The following PPFIA2 variants were observed in gnomAD, a reference collection of about 807,000 sequenced individuals.
The protein encoded by PPFIA2 is PPFI scaffold protein A2.
Under a neutral mutation model 175.5 loss-of-function variants are expected in PPFIA2, and 46 were observed. The ratio of observed to expected loss-of-function variants is 0.26; its 90% CI spans 0.21 to 0.34. PPFIA2 has a LOEUF of 0.34. PPFIA2 is among the 10% of genes least tolerant of loss of function. The pLI, the probability that PPFIA2 is intolerant of heterozygous loss-of-function variation, is 1.00. For missense variants in PPFIA2, 1,179 were observed against 1,506.1 expected, an observed-to-expected ratio of 0.78 and a Z score of 3.60; for synonymous variants, 568 against 511.4, an observed-to-expected ratio of 1.11 and a Z score of -1.49.
intron 3 of PPFIA2, among the ~76,000 whole-genome samples, chr12:81,682,950 C>A (rs2073895037): frequency 1.3e-5 from 2 of 151,990 alleles, no homozygotes; most frequent in South Asian, 4.1e-4. Context: ...TTATTTTCAC[C>A]CGCTACATGA....
At chr12:81,622,039 A>G (rs534311188) in intron 4 of PPFIA2, among the ~76,000 whole-genome samples, 105 of 152,324 alleles carry the variant, frequency 6.9e-4, no homozygotes, top group Middle Eastern at 3.4e-3. Flanking sequence ...AATCATATTA[A>G]AAGGAGGGGC....
At chr12:81,386,803 C>T (rs2039072253) in intron 8 of PPFIA2, among the ~76,000 whole-genome samples, 1 of 152,052 alleles carries the variant, frequency 6.6e-6, no homozygotes, top group South Asian at 2.1e-4. Flanking sequence ...GTCATTTCCG[C>T]TCATGTTTTC....
intron 19 of PPFIA2, among the ~76,000 whole-genome samples, chr12:81,342,972 T>C (rs1162720722): frequency 6.7e-6 from 1 of 150,334 alleles, no homozygotes; most frequent in African/African-American, 2.5e-5. Context: ...ATAATAATAA[T>C]AATAATAAAT....
At chr12:81,302,711 A>G (rs756078359) in intron 22 of PPFIA2, 3 of 452,980 alleles carry the variant, frequency 6.6e-6, no homozygotes, top group South Asian at 4.7e-5. Context: ...GAGAGAAGTA[A>G]CAATTATTTA....
chr12:81,712,903 G>C (rs1036719305), intron 3 of PPFIA2, among the ~76,000 whole-genome samples: 2 of 151,040 alleles, frequency 1.3e-5, no homozygotes, highest in Non-Finnish European at 2.9e-5. Flanking sequence ...AGAAGTGATG[G>C]TGTGACTAGA....
chr12:81,518,888 C>T (rs946898081), intron 4 of PPFIA2, among the ~76,000 whole-genome samples: 34 of 152,006 alleles, frequency 2.2e-4, no homozygotes, highest in African/African-American at 7.5e-4. Context: ...GAATATTGTC[C>T]GTCAGGTTAA....
At chr12:81,453,152 C>A (rs1260819340) in intron 5 of PPFIA2, among the ~76,000 whole-genome samples, 1 of 117,314 alleles carries the variant, frequency 8.5e-6, no homozygotes, top group Non-Finnish European at 1.7e-5. Context: ...CCCCTCCCCC[C>A]ACCCCACCAC....
intron 4 of PPFIA2, among the ~76,000 whole-genome samples, chr12:81,651,658 C>G (rs917660068): frequency 2.6e-5 from 4 of 152,010 alleles, no homozygotes; most frequent in Non-Finnish European, 5.9e-5. Context: ...AAGATTATCA[C>G]AAATCCTCAC....
chr12:81,690,111 T>C (rs1310290889), intron 3 of PPFIA2, among the ~76,000 whole-genome samples: 1 of 152,108 alleles, frequency 6.6e-6, no homozygotes, highest in Non-Finnish European at 1.5e-5. Context: ...TAGTGGCATT[T>C]TAATGGCAGA....
intron 4 of PPFIA2, among the ~76,000 whole-genome samples, chr12:81,598,821 T>C (rs1208541058): frequency 2.0e-5 from 3 of 151,966 alleles, no homozygotes; most frequent in Admixed American, 6.6e-5. Context: ...TAGAATGTCA[T>C]GAATACGAAT....
intron 3 of PPFIA2, among the ~76,000 whole-genome samples, chr12:81,731,280 T>C (rs890203765): frequency 1.3e-5 from 2 of 151,554 alleles, no homozygotes; most frequent in African/African-American, 4.8e-5. Context: ...TCTGGAGAGA[T>C]TGAGATGGAA....
intron 7 of PPFIA2, among the ~76,000 whole-genome samples, chr12:81,408,183 G>A (rs936623146): frequency 6.6e-6 from 1 of 151,828 alleles, no homozygotes; most frequent in Middle Eastern, 3.2e-3. Context: ...TACATCAAAG[G>A]AATGACAAGA....
intron 8 of PPFIA2, among the ~76,000 whole-genome samples, chr12:81,401,113 G>A (rs555748143): frequency 5.8e-4 from 88 of 151,866 alleles, no homozygotes; most frequent in Non-Finnish European, 8.7e-4. Context: ...TCATATCTAT[G>A]CCCTTTTACA....
intron 3 of PPFIA2, among the ~76,000 whole-genome samples, chr12:81,749,366 T>C (rs2083453544): frequency 1.4e-5 from 2 of 143,948 alleles, no homozygotes; most frequent in South Asian, 4.5e-4. Context: ...GCCAAACTTT[T>C]TTCCCCATCC....
At chr12:81,281,475 G>A (rs1426667225) in intron 26 of PPFIA2, 25 bp from the exon 27 acceptor site, 1 of 1,495,104 alleles carries the variant, frequency 6.7e-7, no homozygotes. Context: ...TAGCAGTCAA[G>A]TTTCTTAACC....
intron 7 of PPFIA2, among the ~76,000 whole-genome samples, chr12:81,437,487 C>T (rs912572898): frequency 2.0e-5 from 3 of 152,138 alleles, no homozygotes; most frequent in Admixed American, 2.0e-4. Context: ...CCCGCCTCGG[C>T]CTCCCAAAGT....
intron 18 of PPFIA2, among the ~76,000 whole-genome samples, chr12:81,346,604 C>T (rs1472556413): frequency 2.7e-5 from 4 of 150,820 alleles, no homozygotes; most frequent in African/African-American, 9.7e-5. Flanking sequence ...ATTTAGGCTT[C>T]CATCTTCTAA....
chr12:81,719,800 T>C (rs867681555), intron 3 of PPFIA2, among the ~76,000 whole-genome samples: 3 of 151,466 alleles, frequency 2.0e-5, no homozygotes, highest in Non-Finnish European at 3.0e-5. Flanking sequence ...TTAAGTTCAC[T>C]GACCTTAAAA....
chr12:81,292,225 CTATT>C (rs1489592009), intron 24 of PPFIA2: 3 of 152,032 alleles, frequency 2.0e-5, no homozygotes, highest in Non-Finnish European at 4.4e-5. Flanking sequence ...TGGATATAAA[CTATT>C]TATGATGCTT....
Sources: allele counts gnomAD v4.1 joint callset (sites outside exome capture counted in the v4.1 genomes callset), GRCh38; gene constraint gnomAD v4.1.1; transcripts MANE v1.5; gene names NCBI Gene and HGNC (gene_info 2026-07-23, HGNC 2026-07-21).